The following BBS2 variants were observed in gnomAD, a reference collection of about 807,000 sequenced individuals.
BBS2 encodes BBSome complex member BBS2.
BBS2 carries 62 observed loss-of-function variants against 83.0 expected under a neutral mutation model. That is an observed-to-expected ratio of 0.75 (90% confidence interval 0.61 to 0.92). The LOEUF is 0.92. Ranked by LOEUF, BBS2 falls within the 40% of genes least tolerant of loss-of-function variation. BBS2 has a pLI of 0.00. For synonymous variants in BBS2, 303 were observed against 326.1 expected (o/e 0.93, Z 0.76); for missense variants, 784 against 901.0 (o/e 0.87, Z 1.66).
At chr16:56,508,308 G>A (rs1964480145) in intron 5 of BBS2, among the ~76,000 whole-genome samples, 1 of 152,182 alleles carries the variant, frequency 6.6e-6, no homozygotes, top group African/African-American at 2.4e-5. Context: ...GCCAAGGTCA[G>A]TTTTGAGACT....
At chr16:56,503,812 G>C (rs1964348275) in intron 7 of BBS2, among the ~76,000 whole-genome samples, 1 of 152,018 alleles carries the variant, frequency 6.6e-6, no homozygotes, top group Non-Finnish European at 1.5e-5. Context: ...CCAGCTACTA[G>C]GGAGGCTGAG....
chr16:56,510,037 G>T lies in BBS2; in HGVS notation c.535-3C>A. On this transcript the variant is annotated splice_region_variant and splice_polypyrimidine_tract_variant and intron_variant, in intron 4 of 16. Coordinates refer to ENST00000245157, the MANE Select transcript of BBS2 (RefSeq NM_031885.5). ...AAATCCTCAGATCCAACAAGAAGCT[G>T]AAGGGGAAATATCATACATGTTCAG... 3 of 1,613,874 alleles carry T rather than the reference G, an allele frequency of 1.9e-6. No individual in the cohort carries two copies. Among genetic ancestry groups the T allele is most frequent in the Non-Finnish European group, 2.5e-6 (3 of 1,179,798 alleles).
intron 17 of BBS2, chr16:56,478,619 T>C (rs1014008868): frequency 1.3e-5 from 2 of 152,108 alleles, no homozygotes; most frequent in East Asian, 1.9e-4. Flanking sequence ...GCTTGGAAAA[T>C]AGTTTGAGAC....
intron 15 of BBS2, among the ~76,000 whole-genome samples, chr16:56,487,609 A>G (rs2059288): frequency 0.077 from 11,765 of 152,282 alleles, 671 homozygotes; most frequent in East Asian, 0.15. Flanking sequence ...AACATGGCTT[A>G]AGCAAATATA....
At chr16:56,516,812 T>C (rs1474420075) in intron 1 of BBS2, among the ~76,000 whole-genome samples, 1 of 152,192 alleles carries the variant, frequency 6.6e-6, no homozygotes, top group East Asian at 1.9e-4. Context: ...TAACCCTAGC[T>C]GGAATGTTTT....
intron 17 of BBS2, among the ~76,000 whole-genome samples, chr16:56,471,451 T>C (rs1309951041): frequency 6.6e-6 from 1 of 151,952 alleles, no homozygotes; most frequent in Non-Finnish European, 1.5e-5. Flanking sequence ...CCATTTAAGC[T>C]CAGATCTGAA....
At position 56,502,409 on chromosome 16, in the gene BBS2, C is replaced by T. The variant is rs144573829; in HGVS notation, c.988G>A (p.Asp330Asn). Reference protein sequence around the residue: ...GTAEMRGNLMDTSAEQDLIRE... With the variant: ...GTAEMRGNLMNTSAEQDLIRE... The stretch of plus-strand genomic sequence containing the variant: ...ATCAGGTCCTGCTCTGCACTGGTGT[C>T]CATGAGGTTGCCCCTCATCTCAGCC... The change falls in exon 9 of 17, where the codon GAC becomes AAC. Residue 330 changes from aspartate (D) to asparagine (N), a missense_variant. Coordinates refer to ENST00000245157, the MANE Select transcript of BBS2 (RefSeq NM_031885.5). 5.5e-5 allele frequency: 89 copies of T among 1,614,232 alleles called. No individual in the cohort carries two copies. Among genetic ancestry groups the T allele is most frequent in the Non-Finnish European group, 7.4e-5 (87 of 1,180,044 alleles).
chr16:56,512,448 A>C (rs1964605380), intron 2 of BBS2, among the ~76,000 whole-genome samples: 1 of 152,256 alleles, frequency 6.6e-6, no homozygotes, highest in Non-Finnish European at 1.5e-5. Flanking sequence ...AAACAATCCA[A>C]ATGTCCAGCC....
intron 17 of BBS2, among the ~76,000 whole-genome samples, chr16:56,473,723 G>T (rs1963312365): frequency 6.7e-6 from 1 of 150,180 alleles, no homozygotes; most frequent in Non-Finnish European, 1.5e-5. Context: ...TTCATGAGTT[G>T]CCTGTCATTA....
chr16:56,470,692 C>G (rs759952734), exon 18 of BBS2: 5 of 1,614,114 alleles, frequency 3.1e-6, no homozygotes, highest in Non-Finnish European at 4.2e-6. Flanking sequence ...TAGCCATAGT[C>G]CTCCTGAGCC....
downstream of BBS2, among the ~76,000 whole-genome samples, chr16:56,480,376 A>ACAAAAAAAAAC (rs756371353): frequency 0.16 from 22,694 of 142,082 alleles, 2,488 homozygotes; most frequent in Non-Finnish European, 0.22. Flanking sequence ...CAAAAAAAAA[A>ACAAAAAAAAAC]ACAAAGCTTG....
chr16:56,505,225 T>G (rs1209151525), intron 7 of BBS2, among the ~76,000 whole-genome samples: 1 of 152,142 alleles, frequency 6.6e-6, no homozygotes, highest in East Asian at 1.9e-4. Flanking sequence ...CAAAACTAAG[T>G]GAAGAAGCAG....
chr16:56,508,328 G>A (rs558939181), intron 5 of BBS2, among the ~76,000 whole-genome samples: 10 of 152,214 alleles, frequency 6.6e-5, no homozygotes, highest in Non-Finnish European at 1.2e-4. Context: ...TAGTGCCCTC[G>A]AGCTTTTCTG....
intron 5 of BBS2, among the ~76,000 whole-genome samples, chr16:56,507,779 C>G (rs1405395457): frequency 6.6e-6 from 1 of 152,034 alleles, no homozygotes; most frequent in Non-Finnish European, 1.5e-5. Flanking sequence ...ACCAGTCTGG[C>G]CAACATGACG....
In BBS2 at chr16:56,501,423, G is replaced by C. The variant is rs749121755; in HGVS notation, c.1155C>G (p.Thr385=). 1.2e-6 allele frequency: 2 copies of C among 1,614,138 alleles called. No homozygotes were observed. Among genetic ancestry groups the C allele is most frequent in the East Asian group, 4.5e-5 (2 of 44,884 alleles). Reference sequence around the variant, plus strand: ...CATTCCCCAGGCTGACTGAGAGCGTGGTGTGGAGCCTGGTATTGGCTGGGA... The same window carrying C: ...CATTCCCCAGGCTGACTGAGAGCGTCGTGTGGAGCCTGGTATTGGCTGGGA... The part of the protein sequence containing the change: ...GIIPANTRLH[T]TLSVSLGNET... The change falls in exon 10 of 17, where the codon ACC becomes ACG. Residue 385 remains threonine, a synonymous_variant. Transcript: ENST00000245157.
intron 3 of BBS2, 99 bp from the exon 4 acceptor site, chr16:56,511,020 A>C: frequency 2.6e-6 from 4 of 1,558,378 alleles, no homozygotes; most frequent in Non-Finnish European, 3.5e-6. Context: ...AACACGAATG[A>C]ATGCTATTCG....
intron 17 of BBS2, among the ~76,000 whole-genome samples, chr16:56,472,486 CT>C (rs372176368): frequency 2.0e-5 from 3 of 152,144 alleles, no homozygotes; most frequent in African/African-American, 7.2e-5. Flanking sequence ...AGCTATAAAG[CT>C]TGGCAAAAGC....
chr16:56,480,068 G>C (rs1024425325), downstream of BBS2, among the ~76,000 whole-genome samples: 7 of 152,104 alleles, frequency 4.6e-5, no homozygotes, highest in Admixed American at 1.3e-4. Flanking sequence ...TGGAAATTAG[G>C]AACGTTTTAA....
chr16:56,479,194 G>C (rs906033847), intron 17 of BBS2: 2 of 152,160 alleles, frequency 1.3e-5, no homozygotes, highest in Admixed American at 1.3e-4. Context: ...CTATGGGCCC[G>C]GCATAGTGGC....
Sources: allele counts gnomAD v4.1 joint callset (sites outside exome capture counted in the v4.1 genomes callset), GRCh38; gene constraint gnomAD v4.1.1; transcripts MANE v1.5; gene names NCBI Gene and HGNC (gene_info 2026-07-23, HGNC 2026-07-21).